Variants in GPM6A observed in about 807,000 individuals in gnomAD.
GPM6A encodes the protein glycoprotein M6A.
A neutral mutation model predicts 32.1 loss-of-function variants in GPM6A; 7 were observed. The ratio of observed to expected loss-of-function variants is 0.22; its 90% CI spans 0.12 to 0.41. The LOEUF is 0.41. Ranked by LOEUF, GPM6A falls within the 10% of genes least tolerant of loss-of-function variation. GPM6A has a pLI of 1.00. For missense variants in GPM6A, 235 were observed against 347.2 expected (o/e 0.68, Z 2.57); for synonymous variants, 130 against 123.4 (o/e 1.05, Z -0.35).
At chr4:175,852,462 C>T (rs1464867794) in intron 1 of GPM6A, among the ~76,000 whole-genome samples, 2 of 152,118 alleles carry the variant, frequency 1.3e-5, no homozygotes, top group African/African-American at 2.4e-5. Context: ...TTTCATTCTT[C>T]ATTCTACTGA....
At chr4:175,730,166 T>G (rs1488060546) in intron 1 of GPM6A, among the ~76,000 whole-genome samples, 1 of 151,988 alleles carries the variant, frequency 6.6e-6, no homozygotes, top group Non-Finnish European at 1.5e-5. Flanking sequence ...GCTGTCCTGG[T>G]TTATTTCTCT....
intron 2 of GPM6A, among the ~76,000 whole-genome samples, chr4:175,697,049 G>C (rs1319500535): frequency 2.6e-5 from 4 of 152,062 alleles, no homozygotes; most frequent in African/African-American, 7.2e-5. Context: ...TGAAATTACA[G>C]TCATTAAAAA....
chr4:175,885,159 T>A (rs2111464645), intron 1 of GPM6A, among the ~76,000 whole-genome samples: 1 of 152,298 alleles, frequency 6.6e-6, no homozygotes, highest in Non-Finnish European at 1.5e-5. Flanking sequence ...AAAAATAAAT[T>A]GTGGTATAAC....
chr4:175,950,820 C>T (rs1207866533), intron 1 of GPM6A, among the ~76,000 whole-genome samples: 1 of 152,048 alleles, frequency 6.6e-6, no homozygotes, highest in South Asian at 2.1e-4. Flanking sequence ...AGCAAGAATT[C>T]TATTATTCCT....
chr4:175,663,297 T>A (rs1321941976), intron 3 of GPM6A, among the ~76,000 whole-genome samples: 1 of 152,192 alleles, frequency 6.6e-6, no homozygotes, highest in Non-Finnish European at 1.5e-5. Flanking sequence ...CCAAGATGTT[T>A]CTCAGTAGGT....
At chr4:175,985,335 A>C (rs1740941677) in intron 1 of GPM6A, among the ~76,000 whole-genome samples, 2 of 152,150 alleles carry the variant, frequency 1.3e-5, no homozygotes, top group East Asian at 1.9e-4. Flanking sequence ...GATTAGTATA[A>C]AACTTTTTGC....
intron 4 of GPM6A, among the ~76,000 whole-genome samples, chr4:175,649,611 G>C (rs1175278081): frequency 1.3e-5 from 2 of 152,052 alleles, no homozygotes; most frequent in Non-Finnish European, 2.9e-5. Context: ...CTAATCTCTC[G>C]TGTATTTCTG....
intron 3 of GPM6A, among the ~76,000 whole-genome samples, chr4:175,671,181 T>G (rs555038962): frequency 6.6e-6 from 1 of 152,104 alleles, no homozygotes; most frequent in Admixed American, 6.5e-5. Context: ...CAAAATTAAT[T>G]GCATTTGTGC....
intron 1 of GPM6A, among the ~76,000 whole-genome samples, chr4:175,934,883 A>G (rs1313736032): frequency 1.3e-5 from 2 of 152,164 alleles, no homozygotes; most frequent in African/African-American, 2.4e-5. Flanking sequence ...GCCACCTACA[A>G]CTAGCTAAGC....
chr4:175,952,373 G>A (rs778570911), intron 1 of GPM6A, among the ~76,000 whole-genome samples: 2 of 152,164 alleles, frequency 1.3e-5, no homozygotes, highest in Non-Finnish European at 2.9e-5. Flanking sequence ...CTGCATAATG[G>A]ATTCCCATGA....
chr4:175,688,041 GT>G (rs1220668129), intron 2 of GPM6A, among the ~76,000 whole-genome samples: 1 of 151,990 alleles, frequency 6.6e-6, no homozygotes, highest in Non-Finnish European at 1.5e-5. Flanking sequence ...GGGTATTTTT[GT>G]TTTTGTTTTT....
chr4:175,846,101 A>C (rs371258062), intron 1 of GPM6A, among the ~76,000 whole-genome samples: 3 of 152,076 alleles, frequency 2.0e-5, no homozygotes, highest in South Asian at 2.1e-4. Context: ...AATGTGTCGT[A>C]ACATCGTGTC....
chr4:175,808,847 A>G (rs1171262201), intron 1 of GPM6A: 1 of 152,244 alleles, frequency 6.6e-6, no homozygotes, highest in Admixed American at 6.5e-5. Context: ...GTTTCATAAA[A>G]TGTTCATGTT....
intron 1 of GPM6A, among the ~76,000 whole-genome samples, chr4:175,859,986 A>G (rs866330619): frequency 6.6e-5 from 10 of 152,162 alleles, no homozygotes; most frequent in Non-Finnish European, 1.2e-4. Context: ...ATTTTAAACT[A>G]TTTTGACATA....
intron 1 of GPM6A, among the ~76,000 whole-genome samples, chr4:175,983,924 T>C (rs1740889462): frequency 6.6e-6 from 1 of 152,088 alleles, no homozygotes; most frequent in African/African-American, 2.4e-5. Flanking sequence ...TTGCAAGCTT[T>C]ACAACTATTA....
intron 1 of GPM6A, among the ~76,000 whole-genome samples, chr4:175,888,763 A>G (rs991700421): frequency 2.4e-4 from 37 of 152,278 alleles, no homozygotes; most frequent in African/African-American, 7.2e-4. Flanking sequence ...TATTTTCCCT[A>G]TAATTGTATA....
At chr4:175,796,479 T>A (rs1458502384) in intron 1 of GPM6A, among the ~76,000 whole-genome samples, 1 of 152,196 alleles carries the variant, frequency 6.6e-6, no homozygotes, top group Non-Finnish European at 1.5e-5. Flanking sequence ...AGTCTCTTGA[T>A]CAGAAGTTAA....
chr4:175,880,226 G>T (rs1737226154), intron 1 of GPM6A, among the ~76,000 whole-genome samples: 1 of 152,126 alleles, frequency 6.6e-6, no homozygotes, highest in South Asian at 2.1e-4. Context: ...TGAGGGCTCT[G>T]TTCTGTTCCA....
At chr4:175,641,096 A>G (rs1464422967) in intron 4 of GPM6A, 2 of 435,684 alleles carry the variant, frequency 4.6e-6, no homozygotes, top group East Asian at 4.5e-5. Flanking sequence ...TCCAGACTCA[A>G]TTATAGCCAG....
Sources: gnomAD v4.1 joint callset for allele counts (sites outside exome capture counted in the v4.1 genomes callset) on GRCh38, gnomAD v4.1.1 for gene constraint, MANE v1.5 for transcripts, NCBI Gene and HGNC (gene_info 2026-07-23, HGNC 2026-07-21) for gene names.